MLIP: variants seen among roughly 807,000 people sequenced by gnomAD.
The protein encoded by MLIP is muscular LMNA-interacting protein.
In MLIP, 79 loss-of-function variants were observed where a neutral mutation model predicts 84.8. The observed-to-expected ratio is 0.93, with a 90% confidence interval of 0.78 to 1.12. The LOEUF (loss-of-function observed/expected upper bound fraction) is 1.12, where lower values mean the gene tolerates loss of function less well. Among genes scored for constraint, MLIP ranks in the 50% most tolerant of loss-of-function variants. The pLI is 0.00. For synonymous variants in MLIP, 504 were observed against 463.0 expected (o/e 1.09, Z -1.14); for missense variants, 1,257 against 1,160.6 (o/e 1.08, Z -1.21).
chr6:54,133,489 C>A lies in MLIP; in HGVS notation c.646-3226C>A, dbSNP rs115818613. Reference sequence around the variant, plus strand: ...TACAGATTCAGGAGGAAGAGCACAACTATATACGATCCACATCTGGTGCTG... The same window carrying A: ...TACAGATTCAGGAGGAAGAGCACAAATATATACGATCCACATCTGGTGCTG... On this transcript the variant is annotated intron_variant, in intron 3 of 13. Transcript: ENST00000502396. Among the ~76,000 whole-genome samples, 313 of 152,252 alleles carry A rather than the reference C, an allele frequency of 2.1e-3. 1 individual carries two copies. Among genetic ancestry groups the A allele is most frequent in the African/African-American group, 7.1e-3 (297 of 41,542 alleles).
intron 4 of MLIP, among the ~76,000 whole-genome samples, chr6:54,141,310 G>C (rs1339075109): frequency 1.1e-5 from 1 of 87,822 alleles, no homozygotes; most frequent in Admixed American, 1.2e-4. Context: ...TGCTCAGCCT[G>C]CCTTTTTTTT....
chr6:54,215,121 C>T, intron 11 of MLIP: 1 of 1,521,356 alleles, frequency 6.6e-7, no homozygotes, highest in Non-Finnish European at 8.8e-7. Context: ...TCACTAAAAG[C>T]TGTCCACTTT....
At chr6:54,133,266 C>CA (rs1160720722) in intron 3 of MLIP, among the ~76,000 whole-genome samples, 1 of 152,088 alleles carries the variant, frequency 6.6e-6, no homozygotes, top group African/African-American at 2.4e-5. Flanking sequence ...GCTGCAACTA[C>CA]AAGTAAGAAC....
chr6:54,148,068 A>G (rs1773046067), intron 4 of MLIP, among the ~76,000 whole-genome samples: 2 of 152,232 alleles, frequency 1.3e-5, no homozygotes, highest in South Asian at 4.1e-4. Flanking sequence ...TTACATCTAT[A>G]AAACCCAAGG....
chr6:54,021,809 A>G (rs1561870469), intron 1 of MLIP, among the ~76,000 whole-genome samples: 1 of 152,252 alleles, frequency 6.6e-6, no homozygotes, highest in African/African-American at 2.4e-5. Context: ...ACCAATGCCA[A>G]GTGAAATTTC....
chr6:54,056,901 C>T (rs968775594), intron 1 of MLIP, among the ~76,000 whole-genome samples: 1 of 152,124 alleles, frequency 6.6e-6, no homozygotes, highest in Admixed American at 6.5e-5. Context: ...ACATCTCTAC[C>T]ATGATTTGTA....
chr6:54,139,944 C>T (rs1445377038), intron 4 of MLIP, among the ~76,000 whole-genome samples: 1 of 151,946 alleles, frequency 6.6e-6, no homozygotes, highest in Non-Finnish European at 1.5e-5. Context: ...AGATTAAGTC[C>T]TTGTATTTTA....
intron 1 of MLIP, among the ~76,000 whole-genome samples, chr6:54,040,674 T>A (rs1329435142): frequency 3.3e-5 from 5 of 152,008 alleles, no homozygotes; most frequent in African/African-American, 1.2e-4. Context: ...TAGGTGCCTA[T>A]CAGTGGTGGA....
upstream of MLIP, among the ~76,000 whole-genome samples, chr6:54,108,648 A>T (rs1769196429): frequency 6.6e-6 from 1 of 152,244 alleles, no homozygotes; most frequent in South Asian, 2.1e-4. Flanking sequence ...AAATGGTTAG[A>T]GGAAAGTTAC....
intron 10 of MLIP, among the ~76,000 whole-genome samples, chr6:54,193,418 A>G (rs527362408): frequency 9.0e-4 from 137 of 152,292 alleles, no homozygotes; most frequent in African/African-American, 3.1e-3. Flanking sequence ...ATGAAGAGAT[A>G]TTATGAGCAG....
In MLIP at chr6:54,266,063, T is replaced by C. The variant is rs1783667160; in HGVS notation, c.*108T>C. The C allele has an allele frequency of 8.9e-7, 1 of 1,122,774 alleles. No individual in the cohort carries two copies. Among genetic ancestry groups the C allele is most frequent in the South Asian group, 1.4e-5 (1 of 73,456 alleles). The allele number at this position is 1,122,774 out of a possible 1,614,324, so 69.6% of individuals were successfully genotyped here. ...TTTTTTTTCCAGAATGAGTGCTCCC[T>C]TTATGAGCTGCAGTGCAGCAGAACC... is the stretch of plus-strand genomic sequence containing the variant. On this transcript the variant is annotated 3_prime_UTR_variant, in exon 14 of 14. Coordinates refer to ENST00000502396, the MANE Select transcript of MLIP (RefSeq NM_001281747.2).
intron 10 of MLIP, among the ~76,000 whole-genome samples, chr6:54,200,617 T>G (rs796960158): frequency 0.18 from 3,170 of 17,830 alleles, 156 homozygotes; most frequent in African/African-American, 0.22. Flanking sequence ...GTTTTTTTTT[T>G]TTTTTTTTTT....
At chr6:54,040,190 G>A (rs897255323) in intron 1 of MLIP, among the ~76,000 whole-genome samples, 2 of 151,962 alleles carry the variant, frequency 1.3e-5, no homozygotes, top group East Asian at 3.9e-4. Flanking sequence ...TTTAGGTACT[G>A]AGGATACAGT....
intron 1 of MLIP, among the ~76,000 whole-genome samples, chr6:54,078,571 G>C (rs942011659): frequency 6.6e-6 from 1 of 152,064 alleles, no homozygotes; most frequent in Non-Finnish European, 1.5e-5. Context: ...GCAACAGAGA[G>C]AGACCCTGTC....
At chr6:54,210,277 T>G (rs1170915986) in intron 11 of MLIP, among the ~76,000 whole-genome samples, 1 of 151,672 alleles carries the variant, frequency 6.6e-6, no homozygotes, top group Non-Finnish European at 1.5e-5. Flanking sequence ...GTATGTCCAA[T>G]TGTTAAATGT....
chr6:54,137,150 GC>G lies in MLIP; in HGVS notation c.1083del (p.Ser362ArgfsTer45). The G allele has an allele frequency of 6.5e-7, 1 of 1,535,954 alleles. No homozygotes were observed. Among genetic ancestry groups the G allele is most frequent in the Non-Finnish European group, 8.7e-7 (1 of 1,146,856 alleles). ...CAGTGCTTCTCTGAAGTCGAATTCG[GC>G]CTCGTACATACCAGTCCGCATTGTC... is the stretch of plus-strand genomic sequence containing the variant. ...SSSASLKSNS[A>X]SYIPVRIVTH... On this transcript the variant is annotated frameshift_variant, in exon 4 of 14. Transcript: ENST00000502396. LOFTEE classifies it high-confidence loss of function.
At chr6:54,198,055 G>T (rs1300892620) in intron 10 of MLIP, among the ~76,000 whole-genome samples, 2 of 152,114 alleles carry the variant, frequency 1.3e-5, no homozygotes, top group African/African-American at 4.8e-5. Flanking sequence ...GGCCAAATGG[G>T]TGTCTCTGGA....
intron 1 of MLIP, among the ~76,000 whole-genome samples, chr6:54,035,463 T>C (rs1300166075): frequency 1.3e-5 from 2 of 152,138 alleles, no homozygotes; most frequent in Admixed American, 1.3e-4. Context: ...GGTTTTCATT[T>C]CTCTGGGATA....
intron 4 of MLIP, among the ~76,000 whole-genome samples, chr6:54,141,312 C>CTTTTTTTT (rs376576497): frequency 0.27 from 34,750 of 127,178 alleles, 5,866 homozygotes; most frequent in African/African-American, 0.36. Context: ...CTCAGCCTGC[C>CTTTTTTTT]TTTTTTTTTT....
Sources: allele counts gnomAD v4.1 joint callset (sites outside exome capture counted in the v4.1 genomes callset), GRCh38; gene constraint gnomAD v4.1.1; transcripts MANE v1.5; gene names NCBI Gene and HGNC (gene_info 2026-07-23, HGNC 2026-07-21).